The following PKN2 variants were observed in gnomAD, a reference collection of about 807,000 sequenced individuals.
PKN2 encodes the protein serine/threonine-protein kinase N2.
A neutral mutation model predicts 119.1 loss-of-function variants in PKN2; 38 were observed. The ratio of observed to expected loss-of-function variants is 0.32; its 90% CI spans 0.25 to 0.42. The LOEUF is 0.42. Ranked by LOEUF, PKN2 falls within the 10% of genes least tolerant of loss-of-function variation. PKN2 has a pLI of 1.00. For synonymous variants in PKN2, 390 were observed against 384.9 expected (o/e 1.01, Z -0.15); for missense variants, 850 against 1,165.1 (o/e 0.73, Z 3.94).
chr1:88,820,362 C>G (rs986820356), intron 16 of PKN2, among the ~76,000 whole-genome samples: 1 of 149,818 alleles, frequency 6.7e-6, no homozygotes, highest in East Asian at 2.0e-4. Flanking sequence ...GGAGAAACCC[C>G]GTCTCCACTA....
At chr1:88,801,494 G>A (rs1671308973) in intron 8 of PKN2, among the ~76,000 whole-genome samples, 1 of 152,190 alleles carries the variant, frequency 6.6e-6, no homozygotes, top group Non-Finnish European at 1.5e-5. Context: ...CCATGTGACT[G>A]TTTTACTTAT....
At chr1:88,769,036 C>T (rs144018123) in intron 3 of PKN2, among the ~76,000 whole-genome samples, 1 of 152,034 alleles carries the variant, frequency 6.6e-6, no homozygotes, top group East Asian at 1.9e-4. Context: ...CTTACTCATA[C>T]TGTGAGGGTG....
intron 1 of PKN2, among the ~76,000 whole-genome samples, chr1:88,716,118 A>C (rs1170794125): frequency 6.6e-6 from 1 of 152,152 alleles, no homozygotes; most frequent in African/African-American, 2.4e-5. Flanking sequence ...TGAGTTTCTT[A>C]ATCCTGAGTT....
chr1:88,807,239 CT>C, intron 12 of PKN2, 73 bp from the exon 13 acceptor site: 1 of 985,188 alleles, frequency 1.0e-6, no homozygotes, highest in Non-Finnish European at 1.5e-6. Context: ...AATGTTTTTC[CT>C]TAATTTTATC....
At chr1:88,787,211 G>A (rs1289883870) in intron 8 of PKN2, among the ~76,000 whole-genome samples, 1 of 151,904 alleles carries the variant, frequency 6.6e-6, no homozygotes, top group Non-Finnish European at 1.5e-5. Flanking sequence ...ATTATGAAAG[G>A]GGATTTGAGA....
Position 88,770,414 on chromosome 1 carries a change from C to T in PKN2, c.567C>T (p.Val189=). Reference sequence around the variant, plus strand: ...AGGACAGCAAGACAAAAATAGAAGTCATACGAATGCAGATTCTTCAGGCAG... The same window carrying T: ...AGGACAGCAAGACAAAAATAGAAGTTATACGAATGCAGATTCTTCAGGCAG... ...LLQDSKTKIE[V]IRMQILQAVQ... The change falls in exon 4 of 22, where the codon GTC becomes GTT. Residue 189 remains valine, a synonymous_variant. Coordinates refer to ENST00000370521, the MANE Select transcript of PKN2 (RefSeq NM_006256.4). The T allele has an allele frequency of 1.9e-6, 3 of 1,613,280 alleles. No individual in the cohort carries two copies. In the South Asian group the frequency reaches 3.3e-5, roughly 18 times the overall value.
chr1:88,814,590 C>CTGAT (rs1451221910), intron 16 of PKN2, among the ~76,000 whole-genome samples: 1 of 152,120 alleles, frequency 6.6e-6, no homozygotes, highest in Non-Finnish European at 1.5e-5. Context: ...TTAAACTGAA[C>CTGAT]TGATTTTTTC....
chr1:88,804,337 T>G (rs1671450002), intron 8 of PKN2, 54 bp from the exon 9 acceptor site: 1 of 1,304,904 alleles, frequency 7.7e-7, no homozygotes, highest in African/African-American at 1.5e-5. Context: ...TATTCAAGTG[T>G]GTGTCCAATG....
intron 1 of PKN2, among the ~76,000 whole-genome samples, chr1:88,728,146 C>G (rs2100720393): frequency 6.6e-6 from 1 of 151,518 alleles, no homozygotes; most frequent in South Asian, 2.1e-4. Context: ...CCTAACTGGT[C>G]TGTTTTTTTC....
chr1:88,820,944 T>C (rs568932677), intron 16 of PKN2, among the ~76,000 whole-genome samples: 1 of 152,322 alleles, frequency 6.6e-6, no homozygotes, highest in East Asian at 1.9e-4. Context: ...GGATAAAAAT[T>C]GAAAAAGTCA....
At chr1:88,758,038 CAAAAAAAAAAA>C (rs33914457) in intron 2 of PKN2, among the ~76,000 whole-genome samples, 4 of 59,056 alleles carry the variant, frequency 6.8e-5, no homozygotes, top group South Asian at 6.8e-4. Flanking sequence ...GAGACTATCT[CAAAAAAAAAAA>C]AAAAAAAAAA....
intron 1 of PKN2, among the ~76,000 whole-genome samples, chr1:88,727,917 C>T (rs1667962517): frequency 6.6e-6 from 1 of 152,038 alleles, no homozygotes; most frequent in Non-Finnish European, 1.5e-5. Flanking sequence ...ATCTGAGATG[C>T]CTGGCTGCGG....
intron 2 of PKN2, among the ~76,000 whole-genome samples, chr1:88,749,422 A>T (rs1368118213): frequency 6.6e-6 from 1 of 151,702 alleles, no homozygotes; most frequent in East Asian, 1.9e-4. Flanking sequence ...AAAAAAAAAA[A>T]TTATTCTAAC....
At chr1:88,720,344 T>C (rs766005259) in intron 1 of PKN2, among the ~76,000 whole-genome samples, 1 of 152,154 alleles carries the variant, frequency 6.6e-6, no homozygotes, top group East Asian at 1.9e-4. Flanking sequence ...ATTGTTCTGA[T>C]ATACTCGTAG....
At chr1:88,693,068 A>C (rs1032898940) in intron 1 of PKN2, among the ~76,000 whole-genome samples, 1 of 152,242 alleles carries the variant, frequency 6.6e-6, no homozygotes. Context: ...TTAATGAGTA[A>C]ATTCAGAAGC....
chr1:88,748,013 C>T (rs755392826), intron 2 of PKN2, among the ~76,000 whole-genome samples: 2 of 152,092 alleles, frequency 1.3e-5, no homozygotes, highest in Non-Finnish European at 2.9e-5. Context: ...CTCTTTTGCA[C>T]TCCTGGATTT....
chr1:88,808,277 C>T (rs570314620), intron 15 of PKN2, among the ~76,000 whole-genome samples: 273 of 151,784 alleles, frequency 1.8e-3, no homozygotes, highest in Non-Finnish European at 3.1e-3. Flanking sequence ...GTTGTGGTAT[C>T]TTATACAATT....
intron 1 of PKN2, among the ~76,000 whole-genome samples, chr1:88,722,577 C>T (rs1297573128): frequency 6.6e-6 from 1 of 151,932 alleles, no homozygotes; most frequent in East Asian, 1.9e-4. Context: ...AGTTCAAGAC[C>T]AGCCTGGGCA....
chr1:88,702,104 A>G (rs942015250), intron 1 of PKN2, among the ~76,000 whole-genome samples: 7 of 152,202 alleles, frequency 4.6e-5, no homozygotes, highest in African/African-American at 1.7e-4. Flanking sequence ...GAATACAGGC[A>G]TGTGCCACCA....
Sources: allele counts gnomAD v4.1 joint callset (sites outside exome capture counted in the v4.1 genomes callset), GRCh38; gene constraint gnomAD v4.1.1; transcripts MANE v1.5; gene names NCBI Gene and HGNC (gene_info 2026-07-23, HGNC 2026-07-21).